The following XRCC4 variants were observed in gnomAD, a reference collection of about 807,000 sequenced individuals.
The protein encoded by XRCC4 is X-ray repair cross complementing 4.
A neutral mutation model predicts 39.1 loss-of-function variants in XRCC4; 28 were observed. That is an observed-to-expected ratio of 0.72 (90% CI 0.53 to 0.98). XRCC4 has a LOEUF of 0.98. XRCC4 is among the 50% of genes least tolerant of loss of function. XRCC4 has a pLI of 0.00. For synonymous variants in XRCC4, 123 were observed against 126.4 expected (o/e 0.97, Z 0.18); for missense variants, 350 against 376.4 (o/e 0.93, Z 0.58).
At chr5:83,217,775 T>C (rs935907758) in intron 6 of XRCC4, among the ~76,000 whole-genome samples, 5 of 152,086 alleles carry the variant, frequency 3.3e-5, no homozygotes, top group African/African-American at 1.2e-4. Context: ...TACATTCAAA[T>C]CCCAAGGGAA....
intron 6 of XRCC4, among the ~76,000 whole-genome samples, chr5:83,250,567 A>T (rs1232282094): frequency 6.6e-6 from 1 of 152,226 alleles, no homozygotes; most frequent in Non-Finnish European, 1.5e-5. Context: ...TGCAAGTTTG[A>T]TGAAATCTAA....
intron 1 of XRCC4, among the ~76,000 whole-genome samples, chr5:83,093,569 C>T (rs891647444): frequency 1.3e-5 from 2 of 152,148 alleles, no homozygotes; most frequent in South Asian, 2.1e-4. Context: ...TCACAAAGCA[C>T]ATCTTAGGAA....
At chr5:83,359,422 C>A in the XRCC4 span, among the ~76,000 whole-genome samples, 1 of 152,120 alleles carries the variant, frequency 6.6e-6, no homozygotes. Context: ...CCTGGCTGAA[C>A]TTGGGTTTGC....
At chr5:83,356,938 A>T (rs1057267883), downstream of XRCC4, among the ~76,000 whole-genome samples, 3 of 152,208 alleles carry the variant, frequency 2.0e-5, no homozygotes, top group Non-Finnish European at 4.4e-5. Context: ...AGAAAAAAAA[A>T]TCCCCTCTCA....
chr5:83,264,122 G>T (rs1237577966), intron 7 of XRCC4, among the ~76,000 whole-genome samples: 1 of 152,134 alleles, frequency 6.6e-6, no homozygotes, highest in Non-Finnish European at 1.5e-5. Context: ...ACCTACAAAA[G>T]CTCAATTCTT....
At chr5:83,084,941 G>A (rs1326023549) in intron 1 of XRCC4, among the ~76,000 whole-genome samples, 1 of 152,090 alleles carries the variant, frequency 6.6e-6, no homozygotes, top group African/African-American at 2.4e-5. Flanking sequence ...TTCTGAAAAG[G>A]CTTCCACATT....
chr5:83,102,483 A>G (rs1745986310), intron 1 of XRCC4, among the ~76,000 whole-genome samples: 1 of 152,124 alleles, frequency 6.6e-6, no homozygotes, highest in African/African-American at 2.4e-5. Context: ...ACAGGCATAG[A>G]CTTTTCAAAT....
intron 7 of XRCC4, among the ~76,000 whole-genome samples, chr5:83,273,866 G>C (rs1329177197): frequency 1.3e-5 from 2 of 151,482 alleles, no homozygotes; most frequent in Non-Finnish European, 2.9e-5. Flanking sequence ...CACTAGCCTT[G>C]TTCTTTTTGC....
chr5:83,116,608 C>T (rs1220506605), intron 3 of XRCC4, among the ~76,000 whole-genome samples: 3 of 103,188 alleles, frequency 2.9e-5, no homozygotes, highest in Non-Finnish European at 3.8e-5. Context: ...TTCTCTCTCT[C>T]TTTTTTTTTT....
chr5:83,322,385 T>C (rs1227933498), intron 7 of XRCC4, among the ~76,000 whole-genome samples: 1 of 152,084 alleles, frequency 6.6e-6, no homozygotes, highest in Admixed American at 6.6e-5. Flanking sequence ...ATCCCCCAAT[T>C]ATATAGTACC....
At chr5:83,286,866 T>G (rs1754751983) in intron 7 of XRCC4, among the ~76,000 whole-genome samples, 1 of 152,076 alleles carries the variant, frequency 6.6e-6, no homozygotes, top group South Asian at 2.1e-4. Context: ...ACGATGTGCA[T>G]GTAAAGTAGT....
At chr5:83,193,906 T>C (rs957574407) in intron 3 of XRCC4, among the ~76,000 whole-genome samples, 4 of 152,092 alleles carry the variant, frequency 2.6e-5, no homozygotes, top group African/African-American at 9.7e-5. Flanking sequence ...ATTCTGTAGG[T>C]GACTTTTTTT....
intron 7 of XRCC4, among the ~76,000 whole-genome samples, chr5:83,278,948 A>C (rs1754433922): frequency 7.0e-6 from 1 of 143,052 alleles, no homozygotes; most frequent in African/African-American, 2.6e-5. Flanking sequence ...AGATCGTGCC[A>C]CTCCACTCCA....
At chr5:83,225,625 A>T (rs1370450346) in intron 6 of XRCC4, among the ~76,000 whole-genome samples, 2 of 150,924 alleles carry the variant, frequency 1.3e-5, no homozygotes, top group Admixed American at 1.3e-4. Context: ...AAAAAAAAAA[A>T]AGGATAGGCC....
intron 7 of XRCC4, among the ~76,000 whole-genome samples, chr5:83,318,245 A>G (rs927847087): frequency 7.7e-6 from 1 of 129,836 alleles, no homozygotes; most frequent in Non-Finnish European, 1.5e-5. Flanking sequence ...CACAGCCAAT[A>G]TCATACTGGA....
intron 1 of XRCC4, among the ~76,000 whole-genome samples, chr5:83,095,240 C>T (rs1010161028): frequency 1.3e-5 from 2 of 152,150 alleles, no homozygotes; most frequent in South Asian, 2.1e-4. Context: ...ACAGGACCAC[C>T]GTCTGAGCTC....
At chr5:83,086,433 T>G (rs559591646) in intron 1 of XRCC4, among the ~76,000 whole-genome samples, 1 of 152,324 alleles carries the variant, frequency 6.6e-6, no homozygotes, top group African/African-American at 2.4e-5. Flanking sequence ...TAAAGTAAGC[T>G]AGAAAAAAGT....
intron 7 of XRCC4, among the ~76,000 whole-genome samples, chr5:83,343,642 C>T (rs1253515352): frequency 1.3e-5 from 2 of 152,154 alleles, no homozygotes; most frequent in Non-Finnish European, 2.9e-5. Context: ...CCTGGTTTTA[C>T]TCATTTTTAG....
At chr5:83,149,703 A>G (rs1231747375) in intron 3 of XRCC4, among the ~76,000 whole-genome samples, 5 of 152,200 alleles carry the variant, frequency 3.3e-5, no homozygotes, top group Admixed American at 6.5e-5. Flanking sequence ...CTAAGCTGCT[A>G]TCTGGCAGGT....
Sources: gnomAD v4.1 joint callset for allele counts (sites outside exome capture counted in the v4.1 genomes callset) on GRCh38, gnomAD v4.1.1 for gene constraint, MANE v1.5 for transcripts, NCBI Gene and HGNC (gene_info 2026-07-23, HGNC 2026-07-21) for gene names.